Variants in GSG1L observed in about 807,000 individuals in gnomAD.
The protein encoded by GSG1L is GSG1 like, also known as germ cell-specific gene 1-like protein.
GSG1L carries 24 observed loss-of-function variants against 42.1 expected under a neutral mutation model. That is an observed-to-expected ratio of 0.57 (90% CI 0.41 to 0.80). The LOEUF (loss-of-function observed/expected upper bound fraction) is 0.80. Ranked by LOEUF, GSG1L falls within the 30% of genes least tolerant of loss-of-function variation. GSG1L has a pLI of 0.00. For missense variants in GSG1L, 445 were observed against 472.2 expected (o/e 0.94, Z 0.53); for synonymous variants, 215 against 203.5 (o/e 1.06, Z -0.48).
intron 1 of GSG1L, among the ~76,000 whole-genome samples, chr16:28,046,638 GCCAC>G (rs2086163378): frequency 6.6e-6 from 1 of 152,070 alleles, no homozygotes; most frequent in South Asian, 2.1e-4. Context: ...ACAGGCTTGA[GCCAC>G]CAAGCCCGGC....
At chr16:27,894,468 C>CT (rs1377788191) in intron 2 of GSG1L, among the ~76,000 whole-genome samples, 3 of 152,184 alleles carry the variant, frequency 2.0e-5, no homozygotes, top group African/African-American at 7.2e-5. Context: ...GAGAAAACAC[C>CT]TTTTTTCTCA....
chr16:27,985,231 C>T (rs1447046216), intron 1 of GSG1L, among the ~76,000 whole-genome samples: 2 of 152,084 alleles, frequency 1.3e-5, no homozygotes, highest in Non-Finnish European at 2.9e-5. Flanking sequence ...AATGTGACCT[C>T]CACTGTTGAA....
chr16:28,024,974 A>T (rs2085883915), intron 1 of GSG1L, among the ~76,000 whole-genome samples: 1 of 152,188 alleles, frequency 6.6e-6, no homozygotes, highest in East Asian at 1.9e-4. Context: ...AATAAATGGG[A>T]GTGTTACCAT....
At chr16:28,011,748 G>A (rs1175573478) in intron 1 of GSG1L, among the ~76,000 whole-genome samples, 1 of 152,164 alleles carries the variant, frequency 6.6e-6, no homozygotes, top group Non-Finnish European at 1.5e-5. Flanking sequence ...GAGGGATTCT[G>A]GGCCCCTGAA....
chr16:27,930,002 T>A (rs1431705704), intron 2 of GSG1L, among the ~76,000 whole-genome samples: 1 of 152,110 alleles, frequency 6.6e-6, no homozygotes, highest in Non-Finnish European at 1.5e-5. Context: ...ATGTATGCAG[T>A]GCTTCCTGGG....
intron 2 of GSG1L, among the ~76,000 whole-genome samples, chr16:27,906,883 G>T (rs747802831): frequency 5.9e-5 from 9 of 152,026 alleles, no homozygotes; most frequent in African/African-American, 9.7e-5. Context: ...CGATGGGTAT[G>T]GACACCCTGT....
chr16:28,061,882 A>G (rs1400589257), intron 1 of GSG1L, among the ~76,000 whole-genome samples: 1 of 152,222 alleles, frequency 6.6e-6, no homozygotes, highest in Non-Finnish European at 1.5e-5. Context: ...AGGGCATTCC[A>G]GACAGAGGAT....
chr16:27,909,203 C>A (rs1392927516), intron 2 of GSG1L, among the ~76,000 whole-genome samples: 1 of 152,074 alleles, frequency 6.6e-6, no homozygotes, highest in Non-Finnish European at 1.5e-5. Flanking sequence ...TGGTGCTTAC[C>A]TCATTGTCAT....
chr16:27,823,168 CGAA>C (rs769760162), intron 5 of GSG1L, among the ~76,000 whole-genome samples: 21 of 152,018 alleles, frequency 1.4e-4, no homozygotes, highest in Non-Finnish European at 2.6e-4. Flanking sequence ...CCGATTAAGA[CGAA>C]GGAGGGGACG....
In GSG1L at chr16:27,965,368, A is replaced by T. The variant is rs920989699; in HGVS notation, c.350-2165T>A. ...TTTAATTAAATTTTTAAGTAATTTT[A>T]AAATTATGTTTTACAGTCACATTGG... is the stretch of plus-strand genomic sequence containing the variant. On this transcript the variant is annotated intron_variant, in intron 1 of 6. Transcript: ENST00000447459. Among the ~76,000 whole-genome samples the T allele has an allele frequency of 5.3e-5, 8 of 152,284 alleles. No homozygotes were observed. In the South Asian group the frequency reaches 1.2e-3, roughly 24 times the overall value.
At chr16:27,982,081 G>T (rs1474091148) in intron 1 of GSG1L, among the ~76,000 whole-genome samples, 1 of 152,196 alleles carries the variant, frequency 6.6e-6, no homozygotes, top group Non-Finnish European at 1.5e-5. Flanking sequence ...AGAAGTAGCT[G>T]CCCTGGCCAG....
intron 2 of GSG1L, among the ~76,000 whole-genome samples, chr16:27,959,946 A>G (rs2085050579): frequency 6.6e-6 from 1 of 152,236 alleles, no homozygotes; most frequent in Non-Finnish European, 1.5e-5. Flanking sequence ...CAAAACTAGA[A>G]TAGTCAGGCA....
intron 2 of GSG1L, among the ~76,000 whole-genome samples, chr16:27,922,937 G>T (rs770635850): frequency 6.6e-6 from 1 of 152,038 alleles, no homozygotes; most frequent in South Asian, 2.1e-4. Flanking sequence ...ACAGGCACCC[G>T]CCACCATGCC....
chr16:27,823,747 G>T, intron 5 of GSG1L: 1 of 655,208 alleles, frequency 1.5e-6, no homozygotes, highest in South Asian at 1.7e-5. Context: ...TACTCTCATT[G>T]TGTGCCCAGG....
intron 2 of GSG1L, among the ~76,000 whole-genome samples, chr16:27,934,570 G>A (rs1460270765): frequency 2.0e-5 from 3 of 152,070 alleles, no homozygotes; most frequent in Non-Finnish European, 4.4e-5. Flanking sequence ...AAAAACAAAA[G>A]TGAGCTATGA....
At chr16:27,997,200 C>A (rs1462655180) in intron 1 of GSG1L, among the ~76,000 whole-genome samples, 1 of 152,098 alleles carries the variant, frequency 6.6e-6, no homozygotes, top group Non-Finnish European at 1.5e-5. Context: ...CTCCTGGATG[C>A]CCACATGCCT....
chr16:27,983,371 AAAT>A (rs2085345770), intron 1 of GSG1L, among the ~76,000 whole-genome samples: 1 of 152,016 alleles, frequency 6.6e-6, no homozygotes, highest in Admixed American at 6.6e-5. Flanking sequence ...TAATAAAAGA[AAAT>A]AAACTTCTAC....
intron 3 of GSG1L, among the ~76,000 whole-genome samples, chr16:27,877,096 C>T (rs892439597): frequency 6.6e-6 from 1 of 152,188 alleles, no homozygotes; most frequent in Admixed American, 6.5e-5. Flanking sequence ...CCAGCCCGCT[C>T]ACAACCCTTT....
intron 3 of GSG1L, among the ~76,000 whole-genome samples, chr16:27,879,172 G>A (rs1301642699): frequency 3.3e-5 from 5 of 152,214 alleles, no homozygotes; most frequent in African/African-American, 1.2e-4. Flanking sequence ...TGGGTCAAAG[G>A]AGAGAGCCTT....
Sources: gnomAD v4.1 joint callset for allele counts (sites outside exome capture counted in the v4.1 genomes callset) on GRCh38, gnomAD v4.1.1 for gene constraint, MANE v1.5 for transcripts, NCBI Gene and HGNC (gene_info 2026-07-23, HGNC 2026-07-21) for gene names.